NHS: variants seen among roughly 807,000 people sequenced by gnomAD.
NHS encodes NHS actin remodeling regulator, also known as actin remodeling regulator NHS.
In NHS, 5 loss-of-function variants were observed where a neutral mutation model predicts 72.5. That is an observed-to-expected ratio of 0.07 (90% CI 0.04 to 0.14). The LOEUF is 0.14. Ranked by LOEUF, NHS falls within the 10% of genes least tolerant of loss-of-function variation. The pLI, the probability that NHS is intolerant of heterozygous loss-of-function variation, is 1.00. For missense variants in NHS, 1,072 were observed against 1,355.7 expected (o/e 0.79, Z 3.29); for synonymous variants, 464 against 547.7 (o/e 0.85, Z 2.13).
chrX:17,512,600 C>G (rs933691473), intron 1 of NHS, among the ~76,000 whole-genome samples: 1 of 112,256 alleles, frequency 8.9e-6, no homozygotes, highest in Non-Finnish European at 1.9e-5. Context: ...CAGCTGGGTG[C>G]ACTTTTCTGT....
Position 17,406,545 on chromosome X carries a change from A to G in NHS, c.565+30223A>G, listed in dbSNP as rs186358099. On this transcript the variant is annotated intron_variant, in intron 1 of 8. Transcript: ENST00000676302. ...AACCAAGACAGCTAAAATGTTTCCC[A>G]GGTTGCAGCACCACACATCTCAGCT... Among the ~76,000 whole-genome samples the G allele has an allele frequency of 1.8e-4, 20 of 111,571 alleles. No individual in the cohort carries two copies. The East Asian group carries it at 4.8e-3, about 27-fold the overall frequency.
chrX:17,647,296 AGC>A (rs2065910453), intron 1 of NHS, among the ~76,000 whole-genome samples: 2 of 112,717 alleles, frequency 1.8e-5, no homozygotes, highest in Admixed American at 1.9e-4. Context: ...TAATAAATAA[AGC>A]TAGTAATCCC....
intron 3 of NHS, among the ~76,000 whole-genome samples, chrX:17,700,723 G>A (rs1380865711): frequency 2.7e-5 from 3 of 111,242 alleles, no homozygotes; most frequent in Non-Finnish European, 5.7e-5. Context: ...ATTTTTTTCA[G>A]CATTGCTAAC....
intron 1 of NHS, among the ~76,000 whole-genome samples, chrX:17,629,202 G>T (rs1359688364): frequency 8.9e-6 from 1 of 112,412 alleles, no homozygotes; most frequent in Non-Finnish European, 1.9e-5. Context: ...TTAAAGAACA[G>T]CTTCTGGAGA....
chrX:17,381,259 G>A (rs73636646), intron 1 of NHS, among the ~76,000 whole-genome samples: 10,133 of 111,371 alleles, frequency 0.091, 505 homozygotes, highest in East Asian at 0.17. Flanking sequence ...TTTGGTTGCC[G>A]TTGATTTATT....
intron 1 of NHS, among the ~76,000 whole-genome samples, chrX:17,569,611 T>C (rs2065464564): frequency 8.9e-6 from 1 of 112,210 alleles, no homozygotes; most frequent in Admixed American, 9.4e-5. Context: ...TCTCCCACTC[T>C]CTAGGTTGCC....
intron 1 of NHS, among the ~76,000 whole-genome samples, chrX:17,667,740 G>A (rs1196125115): frequency 9.0e-6 from 1 of 110,988 alleles, no homozygotes; most frequent in Non-Finnish European, 1.9e-5. Context: ...AGAAGGTGTT[G>A]GCAATAGGAG....
intron 1 of NHS, among the ~76,000 whole-genome samples, chrX:17,638,331 G>A (rs1162093575): frequency 8.9e-6 from 1 of 112,184 alleles, no homozygotes; most frequent in Non-Finnish European, 1.9e-5. Context: ...CTGATGTTCT[G>A]TATTTTAAAA....
chrX:17,728,817 C>CA, intron 8 of NHS, 42 bp downstream of exon 8: 1 of 1,208,526 alleles, frequency 8.3e-7, no homozygotes, highest in East Asian at 3.0e-5. Context: ...AAAGGTACAA[C>CA]AAAGGTTTTG....
intron 1 of NHS, among the ~76,000 whole-genome samples, chrX:17,648,544 C>G (rs1020397774): frequency 5.3e-5 from 6 of 112,475 alleles, no homozygotes; most frequent in Non-Finnish European, 9.4e-5. Flanking sequence ...TTTTTGAAAT[C>G]TACCGTAATA....
chrX:17,694,637 G>A (rs1055731713), intron 3 of NHS, among the ~76,000 whole-genome samples: 12 of 112,295 alleles, frequency 1.1e-4, no homozygotes. Context: ...CTTGCGAGCT[G>A]TATGACCCTG....
At chrX:17,569,571 C>T in intron 1 of NHS, among the ~76,000 whole-genome samples, 1 of 111,992 alleles carries the variant, frequency 8.9e-6, no homozygotes, top group Admixed American at 9.4e-5. Flanking sequence ...GATATTAGCC[C>T]TTTGTCAGAT....
intron 1 of NHS, among the ~76,000 whole-genome samples, chrX:17,495,217 C>T (rs1419278169): frequency 8.9e-6 from 1 of 111,826 alleles, no homozygotes; most frequent in Non-Finnish European, 1.9e-5. Context: ...CCCAACAGAA[C>T]TTAGTAATCC....
At chrX:17,660,194 CTTTT>C (rs1739714265) in intron 1 of NHS, among the ~76,000 whole-genome samples, 1 of 110,533 alleles carries the variant, frequency 9.0e-6, no homozygotes. Flanking sequence ...CCCAATGAAG[CTTTT>C]TTTTTCTTTC....
intron 1 of NHS, among the ~76,000 whole-genome samples, chrX:17,620,178 A>G (rs2065766160): frequency 8.9e-6 from 1 of 112,127 alleles, no homozygotes; most frequent in African/African-American, 3.2e-5. Flanking sequence ...AGGAAATATA[A>G]GAAGGGAAAC....
intron 1 of NHS, among the ~76,000 whole-genome samples, chrX:17,592,710 A>C (rs1233437979): frequency 8.9e-6 from 1 of 112,025 alleles, no homozygotes; most frequent in Non-Finnish European, 1.9e-5. Flanking sequence ...AGGAAATGAT[A>C]ATTTTAAGTG....
At chrX:17,456,844 A>T (rs1026625776) in intron 1 of NHS, among the ~76,000 whole-genome samples, 1 of 111,822 alleles carries the variant, frequency 8.9e-6, no homozygotes, top group Admixed American at 9.5e-5. Flanking sequence ...AATGGGTTGG[A>T]TGTTTCAAGA....
intron 3 of NHS, among the ~76,000 whole-genome samples, chrX:17,704,758 C>T (rs914403649): frequency 2.2e-4 from 25 of 111,729 alleles, no homozygotes; most frequent in African/African-American, 7.5e-4. Context: ...TATGAGTGAA[C>T]GTAAATAAAA....
intron 1 of NHS, among the ~76,000 whole-genome samples, chrX:17,542,401 C>T (rs2065268852): frequency 8.8e-6 from 1 of 113,453 alleles, no homozygotes; most frequent in Non-Finnish European, 1.9e-5. Context: ...GGCATTGGCC[C>T]ATGCCAGCAG....
Sources: gnomAD v4.1 joint callset for allele counts (sites outside exome capture counted in the v4.1 genomes callset) on GRCh38, gnomAD v4.1.1 for gene constraint, MANE v1.5 for transcripts, NCBI Gene and HGNC (gene_info 2026-07-23, HGNC 2026-07-21) for gene names.